The following CTNNA3 variants were observed in gnomAD, a reference collection of about 807,000 sequenced individuals.
CTNNA3 encodes the protein catenin alpha 3, also known as catenin alpha-3.
A neutral mutation model predicts 95.7 loss-of-function variants in CTNNA3; 76 were observed. The observed-to-expected ratio is 0.79, with a 90% CI of 0.66 to 0.96. The LOEUF is 0.96. Among genes scored for constraint, CTNNA3 ranks in the 40% least tolerant of loss-of-function variants. The pLI, the probability that CTNNA3 is intolerant of heterozygous loss-of-function variation, is 0.00. For missense variants in CTNNA3, 1,191 were observed against 1,089.8 expected, an observed-to-expected ratio of 1.09 and a Z score of -1.31; for synonymous variants, 431 against 374.4, an observed-to-expected ratio of 1.15 and a Z score of -1.74.
At chr10:66,896,623 C>CT (rs1845502411) in intron 7 of CTNNA3, among the ~76,000 whole-genome samples, 1 of 152,118 alleles carries the variant, frequency 6.6e-6, no homozygotes, top group Admixed American at 6.5e-5. Context: ...TAAAAGGTTC[C>CT]TTTTTTTCCC....
chr10:67,045,381 T>TA (rs567603379), intron 7 of CTNNA3, among the ~76,000 whole-genome samples: 113 of 152,252 alleles, frequency 7.4e-4, no homozygotes, highest in Middle Eastern at 3.4e-3. Context: ...CTCCATTTTT[T>TA]AAAAAAAATT....
intron 7 of CTNNA3, among the ~76,000 whole-genome samples, chr10:67,062,050 G>T (rs560139087): frequency 6.6e-6 from 1 of 152,198 alleles, no homozygotes; most frequent in African/African-American, 2.4e-5. Flanking sequence ...AGAACAGATA[G>T]GAAGGGGAGG....
intron 7 of CTNNA3, among the ~76,000 whole-genome samples, chr10:66,816,765 CAT>C (rs1219229523): frequency 1.3e-5 from 2 of 151,914 alleles, no homozygotes; most frequent in South Asian, 2.1e-4. Flanking sequence ...CAGAATAAAC[CAT>C]ATGTTAGGCA....
intron 11 of CTNNA3, among the ~76,000 whole-genome samples, chr10:66,486,924 T>A (rs140266641): frequency 6.6e-6 from 1 of 152,008 alleles, no homozygotes; most frequent in African/African-American, 2.4e-5. Flanking sequence ...AAATACATTA[T>A]GCTAAGTGAC....
intron 15 of CTNNA3, among the ~76,000 whole-genome samples, chr10:66,049,741 G>C (rs147735849): frequency 6.6e-6 from 1 of 152,018 alleles, no homozygotes; most frequent in Admixed American, 6.6e-5. Context: ...GAGTTAAATG[G>C]TAAGAACTTT....
At chr10:67,673,198 G>C (rs1840472497) in intron 1 of CTNNA3, among the ~76,000 whole-genome samples, 1 of 150,470 alleles carries the variant, frequency 6.6e-6, no homozygotes, top group Non-Finnish European at 1.5e-5. Context: ...TGTGATTTTT[G>C]TACATTGATT....
intron 5 of CTNNA3, among the ~76,000 whole-genome samples, chr10:67,255,446 C>T (rs540892957): frequency 6.6e-6 from 1 of 152,018 alleles, no homozygotes; most frequent in African/African-American, 2.4e-5. Flanking sequence ...TCCAACAATC[C>T]TGAGACCTAT....
chr10:66,791,691 T>C (rs981846934), intron 7 of CTNNA3, among the ~76,000 whole-genome samples: 3 of 152,196 alleles, frequency 2.0e-5, no homozygotes, highest in Non-Finnish European at 4.4e-5. Context: ...GCATGTGGCA[T>C]ATGCCAGACA....
chr10:66,722,834 C>T lies in CTNNA3; in HGVS notation c.1281+43430G>A, dbSNP rs1034571952. ...GTCCTGGGGTTGTGGCGGGGGTGGG[C>T]GGGGGAAGTGTGGCTCTTGAGTAGA... On this transcript the variant is annotated intron_variant, in intron 9 of 17. Coordinates refer to ENST00000433211, the MANE Select transcript of CTNNA3 (RefSeq NM_013266.4). Among the ~76,000 whole-genome samples the T allele has an allele frequency of 6.7e-5, 10 of 149,376 alleles. No homozygotes were observed. The South Asian group carries it at 1.1e-3, about 16-fold the overall frequency.
At chr10:67,028,819 C>T (rs1408393112) in intron 7 of CTNNA3, among the ~76,000 whole-genome samples, 1 of 152,042 alleles carries the variant, frequency 6.6e-6, no homozygotes, top group Admixed American at 6.5e-5. Flanking sequence ...CAAGTAATTA[C>T]ATTAGGAAGA....
At chr10:67,391,545 A>G (rs1047838376) in intron 5 of CTNNA3, among the ~76,000 whole-genome samples, 1 of 151,768 alleles carries the variant, frequency 6.6e-6, no homozygotes, top group Non-Finnish European at 1.5e-5. Context: ...ACAGAATTGG[A>G]AAAAACTACT....
chr10:67,589,359 C>T (rs1842728266), intron 3 of CTNNA3, among the ~76,000 whole-genome samples: 1 of 151,734 alleles, frequency 6.6e-6, no homozygotes. Context: ...ACCCAGGGCC[C>T]AAAATAGTAC....
chr10:65,961,843 T>A (rs1157110840), intron 17 of CTNNA3, among the ~76,000 whole-genome samples: 12 of 152,068 alleles, frequency 7.9e-5, no homozygotes, highest in Admixed American at 7.2e-4. Flanking sequence ...TTTCTCTTTA[T>A]TCTTACTGCC....
intron 13 of CTNNA3, among the ~76,000 whole-genome samples, chr10:66,254,159 G>C (rs937926211): frequency 3.9e-5 from 6 of 152,122 alleles, no homozygotes; most frequent in African/African-American, 1.2e-4. Flanking sequence ...CCTGAAGGAT[G>C]AAGGCATCTT....
At chr10:66,961,394 A>G (rs933678883) in intron 7 of CTNNA3, among the ~76,000 whole-genome samples, 12 of 152,146 alleles carry the variant, frequency 7.9e-5, no homozygotes, top group Admixed American at 3.9e-4. Context: ...TGTCAGCACT[A>G]TTTGACACAG....
chr10:66,850,000 T>C (rs1843425878), intron 7 of CTNNA3, among the ~76,000 whole-genome samples: 2 of 152,090 alleles, frequency 1.3e-5, no homozygotes, highest in Non-Finnish European at 2.9e-5. Flanking sequence ...CACTGAGTAA[T>C]ATAAATCAAA....
chr10:66,293,648 T>G (rs1459615880), intron 12 of CTNNA3, among the ~76,000 whole-genome samples: 1 of 150,396 alleles, frequency 6.6e-6, no homozygotes. Flanking sequence ...TAATCAGCAT[T>G]ATTTTTTCTT....
chr10:67,752,885 G>T (rs763518781), intron 1 of CTNNA3, among the ~76,000 whole-genome samples: 35 of 152,236 alleles, frequency 2.3e-4, no homozygotes, highest in Middle Eastern at 3.4e-3. Flanking sequence ...TCGTGAAAAT[G>T]GCCATACTAC....
chr10:66,330,545 C>A (rs1352964392), intron 12 of CTNNA3, among the ~76,000 whole-genome samples: 2 of 152,052 alleles, frequency 1.3e-5, no homozygotes, highest in Admixed American at 6.5e-5. Flanking sequence ...GTGCATGTGT[C>A]TTTATAGCAG....
Sources: allele counts gnomAD v4.1 joint callset (sites outside exome capture counted in the v4.1 genomes callset), GRCh38; gene constraint gnomAD v4.1.1; transcripts MANE v1.5; gene names NCBI Gene and HGNC (gene_info 2026-07-23, HGNC 2026-07-21).